Variants in COL18A1 observed in about 807,000 individuals in gnomAD.
COL18A1 encodes the protein collagen type XVIII alpha 1 chain.
In COL18A1, 133 loss-of-function variants were observed where a neutral mutation model predicts 168.0. That is an observed-to-expected ratio of 0.79 (90% CI 0.69 to 0.91). COL18A1 has a LOEUF of 0.91. Ranked by LOEUF, COL18A1 falls within the 40% of genes least tolerant of loss-of-function variation. The probability of loss-of-function intolerance (pLI) is 0.00; values close to 1 mark genes in which losing one functional copy is unlikely to be tolerated. For synonymous variants in COL18A1, 949 were observed against 809.0 expected (o/e 1.17, Z -2.94); for missense variants, 2,126 against 1,925.4 (o/e 1.10, Z -1.95).
chr21:45,489,552 G>T lies in COL18A1; in HGVS notation c.1959+31G>T, dbSNP rs761505705. On this transcript the variant is annotated intron_variant, in intron 19 of 41. Coordinates refer to ENST00000651438, the MANE Select transcript of COL18A1 (RefSeq NM_001379500.1). ...CGCTGTGCCCGGGTTCAGGGACGTGGCCAGGCAGAGGCAGGGAGGGCCCAG... is the reference window on the plus strand; with the variant it reads ...CGCTGTGCCCGGGTTCAGGGACGTGTCCAGGCAGAGGCAGGGAGGGCCCAG... The T allele has an allele frequency of 2.6e-6, 4 of 1,534,906 alleles. No homozygotes were observed. The Admixed American group carries it at 7.5e-5, about 29-fold the overall frequency.
At chr21:45,440,377 G>C (rs891057214) in intron 2 of COL18A1, among the ~76,000 whole-genome samples, 1 of 152,242 alleles carries the variant, frequency 6.6e-6, no homozygotes, top group Non-Finnish European at 1.5e-5. Context: ...GGCCTGCCAG[G>C]GGTCCACTGG....
At chr21:45,412,790 G>C (rs572191423) in intron 2 of COL18A1, among the ~76,000 whole-genome samples, 2 of 152,202 alleles carry the variant, frequency 1.3e-5, no homozygotes, top group East Asian at 1.9e-4. Context: ...AGCTGTTAGC[G>C]TCTTGACTCT....
intron 2 of COL18A1, among the ~76,000 whole-genome samples, chr21:45,436,891 T>TG (rs1215787706): frequency 2.7e-5 from 1 of 37,010 alleles, no homozygotes; most frequent in African/African-American, 1.2e-4. Context: ...CAGCCATGGC[T>TG]GGGGGAACCC....
rs8133035 is a variant in COL18A1 at position 45,456,810 on chromosome 21, G to A, written c.107-11432G>A. ...TGTTGGAGCCGCCTGGGCGGGGGCC[G>A]GCTGCCCGTCGCCTGTGCCTCGCTC... On this transcript the variant is annotated intron_variant, in intron 2 of 41. Transcript: ENST00000651438. 92 of 1,536,378 alleles carry A rather than the reference G, an allele frequency of 6.0e-5. No individual in the cohort carries two copies. Among genetic ancestry groups the A allele is most frequent in the African/African-American group, 3.9e-4 (28 of 72,080 alleles).
At chr21:45,476,525 T>C (rs1160449146) in intron 6 of COL18A1, 45 bp downstream of exon 6, 2 of 1,559,282 alleles carry the variant, frequency 1.3e-6, no homozygotes, top group South Asian at 2.3e-5. Context: ...GTGGGGTGTG[T>C]GTGGTGTGTA....
At chr21:45,468,088 C>G (rs2035279297) in intron 2 of COL18A1, among the ~76,000 whole-genome samples, 154 bp from the exon 3 acceptor site, 1 of 152,196 alleles carries the variant, frequency 6.6e-6, no homozygotes, top group Non-Finnish European at 1.5e-5. Context: ...GGTGGCTGAG[C>G]CCAGGGGATC....
intron 40 of COL18A1, 135 bp from the exon 41 acceptor site, chr21:45,510,976 C>CA: frequency 8.4e-5 from 1 of 11,952 alleles, no homozygotes; most frequent in South Asian, 1.0e-3. Flanking sequence ...CCCCCAAACA[C>CA]CCCCCACACC....
At chr21:45,456,262 C>A (rs780365285) in intron 2 of COL18A1, 1 of 1,581,392 alleles carries the variant, frequency 6.3e-7, no homozygotes, top group Non-Finnish European at 8.6e-7. Flanking sequence ...TCTCGCCCGC[C>A]GCAGCCGCTC....
rs147495490 is a variant in COL18A1 at position 45,448,679 on chromosome 21, C to G, written c.107-19563C>G. Among the ~76,000 whole-genome samples, 84 of 152,354 alleles carry G rather than the reference C, an allele frequency of 5.5e-4. 1 individual carries two copies. The highest frequency in any genetic ancestry group is 1.7e-3 in the African/African-American group (70 of 41,582). ...CCACAGAGCCACAGTGTCATTGTCA[C>G]GCCTGAGAAGTTTACAATCATTCTG... is the stretch of plus-strand genomic sequence containing the variant. On this transcript the variant is annotated intron_variant, in intron 2 of 41. Transcript: ENST00000651438.
Position 45,468,665 on chromosome 21 carries a change from A to T in COL18A1, c.530A>T (p.Tyr177Phe), listed in dbSNP as rs779470945. 1.2e-6 allele frequency: 2 copies of T among 1,613,782 alleles called. No homozygotes were observed. The highest frequency in any genetic ancestry group is 1.7e-5 in the Admixed American group (1 of 60,014). The change falls in exon 3 of 42, where the codon TAC becomes TTC. Residue 177 changes from tyrosine (Y) to phenylalanine (F), a missense_variant. By Grantham distance (22) the Tyr-to-Phe change is conservative. Coordinates refer to ENST00000651438, the MANE Select transcript of COL18A1 (RefSeq NM_001379500.1). ...GTGGCAGGTGGCTTTGTGGCCCTCTACGTGGACTGTGAGGAGTTCCAGAGA... is the reference window on the plus strand; with the variant it reads ...GTGGCAGGTGGCTTTGTGGCCCTCTTCGTGGACTGTGAGGAGTTCCAGAGA... ...LSVAGGFVAL[Y>F]VDCEEFQRMP...
rs950947940 is a variant in COL18A1 at position 45,463,687 on chromosome 21, C to T, written c.107-4555C>T. On this transcript the variant is annotated intron_variant, in intron 2 of 41. Coordinates refer to ENST00000651438, the MANE Select transcript of COL18A1 (RefSeq NM_001379500.1). The surrounding 1 kb of genome is among the most constrained non-coding windows in gnomAD (Gnocchi z 4.0). Reference sequence around the variant, plus strand: ...CCGAGGCATGCGGATCGCCTGAGGTCGGGAGTTGGAGACCAGCCTGACCAA... The same window carrying T: ...CCGAGGCATGCGGATCGCCTGAGGTTGGGAGTTGGAGACCAGCCTGACCAA... Among the ~76,000 whole-genome samples, 2 of 152,094 alleles carry T rather than the reference C, an allele frequency of 1.3e-5. No individual in the cohort carries two copies. Among genetic ancestry groups the T allele is most frequent in the African/African-American group, 2.4e-5 (1 of 41,416 alleles).
intron 32 of COL18A1, among the ~76,000 whole-genome samples, chr21:45,501,497 G>A (rs185327596): frequency 1.3e-5 from 2 of 152,282 alleles, no homozygotes; most frequent in African/African-American, 4.8e-5. Flanking sequence ...AGTGCCCACA[G>A]GGCAGTGGTC....
Position 45,510,171 on chromosome 21 carries a change from C to T in COL18A1, c.3603C>T (p.Thr1201=), listed in dbSNP as rs545850984. 2.9e-5 allele frequency: 46 copies of T among 1,595,576 alleles called. 1 individual carries two copies. In the East Asian group the frequency reaches 7.6e-4, roughly 26 times the overall value. ...CGCGGGCCGTGGGGCTGGCGGGCAC[C>T]TTCCGCGCCTTCCTGTCCTCGCGCC... The part of the protein sequence containing the change: ...QQARAVGLAG[T]FRAFLSSRLQ... Residue 1201 remains threonine, a synonymous_variant, in exon 40 of 42, where the codon ACC becomes ACT. Transcript: ENST00000651438.
chr21:45,411,199 G>T (rs1226988418), intron 2 of COL18A1, among the ~76,000 whole-genome samples: 1 of 152,172 alleles, frequency 6.6e-6, no homozygotes, highest in Non-Finnish European at 1.5e-5. Flanking sequence ...TTATCCAGGG[G>T]CAGGACATCG....
At chr21:45,427,599 G>A (rs985670874) in intron 2 of COL18A1, among the ~76,000 whole-genome samples, 6 of 152,194 alleles carry the variant, frequency 3.9e-5, no homozygotes, top group Admixed American at 6.5e-5. Context: ...CACGGCGGGC[G>A]GGGAGCGGAA....
intron 2 of COL18A1, chr21:45,456,260 G>T: frequency 1.3e-6 from 2 of 1,580,818 alleles, no homozygotes; most frequent in Non-Finnish European, 1.7e-6. Flanking sequence ...ACTCTCGCCC[G>T]CCGCAGCCGC....
intron 2 of COL18A1, chr21:45,467,195 C>A (rs1449243557): frequency 1.0e-6 from 1 of 975,600 alleles, no homozygotes; most frequent in East Asian, 1.1e-4. Flanking sequence ...GTGCTGCCCC[C>A]CTCCCGTGGG....
rs1329716693 is a variant in COL18A1, at chr21:45,405,235, C to T, written c.5C>T (p.Ala2Val). 2.7e-5 allele frequency: 3 copies of T among 111,926 alleles called. No homozygotes were observed. Among genetic ancestry groups the T allele is most frequent in the African/African-American group, 9.0e-5 (1 of 11,118 alleles). The allele number at this position is 111,926 out of a possible 1,614,324, so 6.9% of individuals were successfully genotyped here. The change falls in exon 1 of 42, where the codon GCG becomes GTG. Residue 2 changes from alanine (A) to valine (V), a missense_variant. Ala to Val is a moderately conservative substitution (Grantham distance 64). Transcript: ENST00000651438. ...GCTGACGGTCCTGGGGAGAGCATGG[C>T]GCCGAGGTGAGGCCGGGGCTGCGGG... M[A>V]PRCPWPWPRR...
intron 2 of COL18A1, among the ~76,000 whole-genome samples, chr21:45,432,615 A>C (rs6518244): frequency 6.6e-6 from 1 of 152,242 alleles, no homozygotes; most frequent in Non-Finnish European, 1.5e-5. Context: ...CAGTCAGAGC[A>C]TCTGGACCAT....
Sources: gnomAD v4.1 joint callset for allele counts (sites outside exome capture counted in the v4.1 genomes callset) on GRCh38, gnomAD v4.1.1 for gene constraint, Gnocchi (gnomAD v3.1) non-coding constraint, MANE v1.5 for transcripts, NCBI Gene and HGNC (gene_info 2026-07-23, HGNC 2026-07-21) for gene names.